Variants in KIAA0408 observed in about 807,000 individuals in gnomAD.
KIAA0408 encodes KIAA0408, also known as uncharacterized protein KIAA0408.
A neutral mutation model predicts 60.9 loss-of-function variants in KIAA0408; 51 were observed. The ratio of observed to expected loss-of-function variants is 0.84; its 90% confidence interval spans 0.67 to 1.06. KIAA0408 has a LOEUF of 1.06. KIAA0408 is among the 50% of genes least tolerant of loss of function. KIAA0408 has a pLI of 0.00. For missense variants in KIAA0408, 787 were observed against 833.9 expected (o/e 0.94, Z 0.69); for synonymous variants, 304 against 282.4 (o/e 1.08, Z -0.77).
Position 127,454,047 on chromosome 6 carries a change from T to C in KIAA0408, c.-66A>G. 1.3e-6 allele frequency: 2 copies of C among 1,519,838 alleles called. No individual in the cohort carries two copies. Among genetic ancestry groups the C allele is most frequent in the Non-Finnish European group, 1.8e-6 (2 of 1,135,294 alleles). 94.1% of individuals were successfully genotyped at this position (1,519,838 alleles called of 1,614,324 possible). ...TCTCTGCCTCCTCTTAACTGTTTCT[T>C]GGAAGCTTGAAGTTGTTTTATTTGA... On this transcript the variant is annotated 5_prime_UTR_variant, in exon 2 of 6. Transcript: ENST00000483725.
Position 127,442,503 on chromosome 6 carries a change from T to G in KIAA0408, c.*1606A>C, listed in dbSNP as rs892387199. 2 of 152,218 alleles carry G rather than the reference T, an allele frequency of 1.3e-5. No individual in the cohort carries two copies. Among genetic ancestry groups the G allele is most frequent in the African/African-American group, 4.8e-5 (2 of 41,450 alleles). The allele number at this position is 152,218 out of a possible 1,614,324, so 9.4% of individuals were successfully genotyped here. ...AATTAAAAGAGTAGATGTATAGACC[T>G]TAGTTACCATCCAATACAAATCACT... On this transcript the variant is annotated 3_prime_UTR_variant, in exon 6 of 6. Coordinates refer to ENST00000483725, the MANE Select transcript of KIAA0408 (RefSeq NM_014702.5).
At position 127,450,154 on chromosome 6, in the gene KIAA0408, C is replaced by G; in HGVS notation, c.334G>C (p.Val112Leu). 1.2e-6 allele frequency: 2 copies of G among 1,614,090 alleles called. No individual in the cohort carries two copies. The highest frequency in any genetic ancestry group is 1.7e-6 in the Non-Finnish European group (2 of 1,179,968). Reference sequence around the variant, plus strand: ...TTACACATTTGATTTCCTCCACTGACTAAGCTCTGCTCTCTTTTATTTTCT... The same window carrying G: ...TTACACATTTGATTTCCTCCACTGAGTAAGCTCTGCTCTCTTTTATTTTCT... ...RKENKREQSL[V>L]SGGNQMCKEQ... Residue 112 changes from valine (V) to leucine (L), a missense_variant, in exon 3 of 6, where the codon GTC (valine) becomes CTC (leucine). By Grantham distance (32) the Val-to-Leu change is conservative. Around this residue, in one of 3 missense-constraint regions of KIAA0408, gnomAD observed 640 missense variants for 681.3 expected, o/e 0.94. Coordinates refer to ENST00000483725, the MANE Select transcript of KIAA0408 (RefSeq NM_014702.5).
intron 1 of KIAA0408, among the ~76,000 whole-genome samples, chr6:127,458,423 A>C (rs1482869126): frequency 2.0e-5 from 3 of 152,182 alleles, no homozygotes; most frequent in Non-Finnish European, 4.4e-5. Context: ...TACCACATGC[A>C]ATTCCGAATG....
At chr6:127,449,588 G>C (rs1225895172) in intron 4 of KIAA0408, among the ~76,000 whole-genome samples, 1 of 152,134 alleles carries the variant, frequency 6.6e-6, no homozygotes, top group Non-Finnish European at 1.5e-5. Flanking sequence ...GGAGGCAGAG[G>C]CTGCAGTGAG....
In KIAA0408 at chr6:127,447,222, CCA is replaced by C. The variant is rs751333549; in HGVS notation, c.1095_1096del (p.Ile365MetfsTer22). The C allele has an allele frequency of 6.2e-7, 1 of 1,612,290 alleles. No homozygotes were observed. Among genetic ancestry groups the C allele is most frequent in the South Asian group, 1.1e-5 (1 of 90,734 alleles). On this transcript the variant is annotated frameshift_variant, in exon 5 of 6. Transcript: ENST00000483725. LOFTEE classifies it high-confidence loss of function. Reference sequence around the variant, plus strand: ...AGAGGGGCTCCTTTTTGCACCTATCCCAATGTCACATGACCACATGCTAAGTC... The same window carrying C: ...AGAGGGGCTCCTTTTTGCACCTATCCATGTCACATGACCACATGCTAAGTC...
At position 127,438,821 on chromosome 6, in the gene KIAA0408, T is replaced by C. The variant is rs1270158546; in HGVS notation, c.*5288A>G. On this transcript the variant is annotated 3_prime_UTR_variant, in exon 6 of 6. Transcript: ENST00000483725. Reference sequence around the variant, plus strand: ...ACTGTAATTTTGAGTGAGGTTTATATTGGAAATTACTGTATGCTTGCTATG... The same window carrying C: ...ACTGTAATTTTGAGTGAGGTTTATACTGGAAATTACTGTATGCTTGCTATG... 6.6e-6 allele frequency: 1 copy of C among 152,258 alleles called. No individual in the cohort carries two copies. The highest frequency in any genetic ancestry group is 1.5e-5 in the Non-Finnish European group (1 of 68,044). The allele number at this position is 152,258 out of a possible 1,614,324, so 9.4% of individuals were successfully genotyped here. A position where few individuals can be genotyped will look rare whatever the true frequency, so the allele number is the denominator to read the frequency against.
Position 127,440,028 on chromosome 6 carries a change from A to G in KIAA0408, c.*4081T>C, listed in dbSNP as rs193079826. On this transcript the variant is annotated 3_prime_UTR_variant, in exon 6 of 6. Transcript: ENST00000483725. Reference sequence around the variant, plus strand: ...ATCTAAACCGTTACCTACTTTCTAGATTTCTCCATAGCTTCATATAAACAG... The same window carrying G: ...ATCTAAACCGTTACCTACTTTCTAGGTTTCTCCATAGCTTCATATAAACAG... The G allele has an allele frequency of 5.9e-5, 9 of 152,224 alleles. 1 individual carries two copies. The East Asian group carries it at 1.7e-3, about 29-fold the overall frequency. The allele number at this position is 152,224 out of a possible 1,614,324, so 9.4% of individuals were successfully genotyped here.
chr6:127,447,367 G>A lies in KIAA0408; in HGVS notation c.952C>T (p.Gln318Ter). The A allele has an allele frequency of 3.1e-6, 5 of 1,612,242 alleles. No homozygotes were observed. In the South Asian group the frequency reaches 5.5e-5, roughly 18 times the overall value. The change falls in exon 5 of 6, where the codon CAA (glutamine) becomes TAA (stop). Residue 318 changes from glutamine to a stop codon, truncating the protein, a stop_gained. Transcript: ENST00000483725. LOFTEE classifies it high-confidence loss of function. ...TTTGGATACAACATAGACATCTCTTGTTGTCTCAAAGGGAAGTGAGGGTTG... is the reference window on the plus strand; with the variant it reads ...TTTGGATACAACATAGACATCTCTTATTGTCTCAAAGGGAAGTGAGGGTTG... ...NYNPHFPLRQ[Q>*]EMSMLYPNEG... is the part of the protein sequence containing the mutation.
In KIAA0408 at chr6:127,447,576, G is replaced by A; in HGVS notation, c.743C>T (p.Ser248Phe). Reference sequence around the variant, plus strand: ...TGTATCAATTCCACATTTTTTCGTAGAATTGCTCTGGAGCACATTGGTACA... The same window carrying A: ...TGTATCAATTCCACATTTTTTCGTAAAATTGCTCTGGAGCACATTGGTACA... ...LSCTNVLQSN[S>F]TKKCGIDTID... Residue 248 changes from serine to phenylalanine, a missense_variant, in exon 5 of 6, where the codon TCT (serine) becomes TTT (phenylalanine). This residue lies in a region of KIAA0408 where 640 missense variants were observed against 681.3 expected (regional missense o/e 0.94). Transcript: ENST00000483725. 4.3e-6 allele frequency: 7 copies of A among 1,610,880 alleles called. No individual in the cohort carries two copies. The highest frequency in any genetic ancestry group is 5.1e-6 in the Non-Finnish European group (6 of 1,179,186).
In KIAA0408 at chr6:127,441,623, T is replaced by C. The variant is rs868393024; in HGVS notation, c.*2486A>G. ...CAAGTCCCTTTAAATCTAGCAATGA[T>C]AGCATAATAAAGGGCATATTCTAGG... On this transcript the variant is annotated 3_prime_UTR_variant, in exon 6 of 6. Coordinates refer to ENST00000483725, the MANE Select transcript of KIAA0408 (RefSeq NM_014702.5). 6 of 152,176 alleles carry C rather than the reference T, an allele frequency of 3.9e-5. No homozygotes were observed. Among genetic ancestry groups the C allele is most frequent in the African/African-American group, 7.2e-5 (3 of 41,446 alleles). 9.4% of individuals were successfully genotyped at this position (152,176 alleles called of 1,614,324 possible).
In KIAA0408 at chr6:127,459,377, A is replaced by C. The variant is rs1490879609; in HGVS notation, c.-323T>G. On this transcript the variant is annotated 5_prime_UTR_variant, in exon 1 of 6. Transcript: ENST00000483725. ...CCTTTGAAACCTTCACCACTTTTAC[A>C]AGTCAAAAAGCTGCTCAGCTTAGTG... is the stretch of plus-strand genomic sequence containing the variant. 1.3e-5 allele frequency: 2 copies of C among 152,172 alleles called. No homozygotes were observed. The highest frequency in any genetic ancestry group is 3.9e-4 in the East Asian group (2 of 5,172). 9.4% of individuals were successfully genotyped at this position (152,172 alleles called of 1,614,324 possible).
In KIAA0408 at chr6:127,447,683, C is replaced by G. The variant is rs1773228176; in HGVS notation, c.636G>C (p.Gly212=). 1.9e-6 allele frequency: 3 copies of G among 1,587,980 alleles called. No homozygotes were observed. The highest frequency in any genetic ancestry group is 2.6e-6 in the Non-Finnish European group (3 of 1,172,136). The change falls in exon 5 of 6, where the codon GGG becomes GGC. Residue 212 remains glycine (G), a synonymous_variant. Transcript: ENST00000483725. ...ACTGGTCATTGTTGATCATGGGGTCCCCATGAGGTATATTAGTTACATTTG... is the reference window on the plus strand; with the variant it reads ...ACTGGTCATTGTTGATCATGGGGTCGCCATGAGGTATATTAGTTACATTTG... ...EMPNVTNIPH[G]DPMINNDQCI...
Position 127,441,844 on chromosome 6 carries a change from A to T in KIAA0408, c.*2265T>A, listed in dbSNP as rs1259755274. On this transcript the variant is annotated 3_prime_UTR_variant, in exon 6 of 6. Coordinates refer to ENST00000483725, the MANE Select transcript of KIAA0408 (RefSeq NM_014702.5). ...CAATCAAGGAGTTGGACTAGATGCTATTTTTTTTTTCTCAGCTCTAACTAT... is the reference window on the plus strand; with the variant it reads ...CAATCAAGGAGTTGGACTAGATGCTTTTTTTTTTTTCTCAGCTCTAACTAT... 3 of 150,206 alleles carry T rather than the reference A, an allele frequency of 2.0e-5. No individual in the cohort carries two copies. The highest frequency in any genetic ancestry group is 3.0e-5 in the Non-Finnish European group (2 of 67,424). 9.3% of individuals were successfully genotyped at this position (150,206 alleles called of 1,614,324 possible).
chr6:127,446,588 T>A lies in KIAA0408; in HGVS notation c.1731A>T (p.Ala577=), dbSNP rs1233188905. The A allele has an allele frequency of 6.2e-7, 1 of 1,614,196 alleles. No individual in the cohort carries two copies. Among genetic ancestry groups the A allele is most frequent in the Non-Finnish European group, 8.5e-7 (1 of 1,180,028 alleles). ...LKTYETATES[A]LQNSKCFQDN... ...CCTGGAAGCACTTAGAATTTTGCAA[T>A]GCAGACTCTGTTGCTGTCTCATAGG... The change falls in exon 5 of 6, where the codon GCA becomes GCT. Residue 577 remains alanine (A), a synonymous_variant. Transcript: ENST00000483725.
intron 4 of KIAA0408, 139 bp from the exon 5 acceptor site, chr6:127,447,879 C>G: frequency 8.6e-7 from 1 of 1,158,052 alleles, no homozygotes; most frequent in Non-Finnish European, 1.1e-6. Context: ...TTACATAAAT[C>G]TCCCAGTCAA....
In KIAA0408 at chr6:127,440,995, GA is replaced by G. The variant is rs1232980569; in HGVS notation, c.*3113del. 6.6e-6 allele frequency: 1 copy of G among 152,116 alleles called. No individual in the cohort carries two copies. Among genetic ancestry groups the G allele is most frequent in the Non-Finnish European group, 1.5e-5 (1 of 68,022 alleles). The allele number at this position is 152,116 out of a possible 1,614,324, so 9.4% of individuals were successfully genotyped here. On this transcript the variant is annotated 3_prime_UTR_variant, in exon 6 of 6. Coordinates refer to ENST00000483725, the MANE Select transcript of KIAA0408 (RefSeq NM_014702.5). ...CTTAGCTTTACTGGAGTTCACTGCA[GA>G]AAATGAGGGAAAGAAAAATGTTCTC... is the stretch of plus-strand genomic sequence containing the variant.
chr6:127,446,587 AT>A lies in KIAA0408; in HGVS notation c.1731del (p.Leu578CysfsTer24), dbSNP rs770515505. ...TCCTGGAAGCACTTAGAATTTTGCAATGCAGACTCTGTTGCTGTCTCATAGG... is the reference window on the plus strand; with the variant it reads ...TCCTGGAAGCACTTAGAATTTTGCAAGCAGACTCTGTTGCTGTCTCATAGG... ...LKTYETATES[A>X]LQNSKCFQDN... On this transcript the variant is annotated frameshift_variant, in exon 5 of 6. Coordinates refer to ENST00000483725, the MANE Select transcript of KIAA0408 (RefSeq NM_014702.5). LOFTEE classifies it high-confidence loss of function. 1 of 1,614,152 alleles carries A rather than the reference AT, an allele frequency of 6.2e-7. No homozygotes were observed. The highest frequency in any genetic ancestry group is 1.1e-5 in the South Asian group (1 of 91,072).
chr6:127,446,154 C>T (rs1157252335), intron 5 of KIAA0408, among the ~76,000 whole-genome samples: 1 of 152,102 alleles, frequency 6.6e-6, no homozygotes, highest in East Asian at 1.9e-4. Flanking sequence ...TCTTCAGGTT[C>T]CTAAATCCAC....
chr6:127,452,628 T>C (rs922851579), intron 2 of KIAA0408, among the ~76,000 whole-genome samples: 17 of 152,134 alleles, frequency 1.1e-4, no homozygotes, highest in African/African-American at 3.9e-4. Flanking sequence ...CCTGCATCCC[T>C]TAGTTATTTT....
Sources: allele counts gnomAD v4.1 joint callset (sites outside exome capture counted in the v4.1 genomes callset), GRCh38; gene constraint gnomAD v4.1.1; regional missense constraint gnomAD v4.1.1; transcripts MANE v1.5; gene names NCBI Gene and HGNC (gene_info 2026-07-23, HGNC 2026-07-21).